Variants in CAMTA1 observed in about 807,000 individuals in gnomAD.
CAMTA1 encodes the protein calmodulin-binding transcription activator 1.
CAMTA1 carries 27 observed loss-of-function variants against 170.9 expected under a neutral mutation model. That is an observed-to-expected ratio of 0.16 (90% CI 0.12 to 0.22). CAMTA1 has a LOEUF of 0.22. Ranked by LOEUF, CAMTA1 falls within the 10% of genes least tolerant of loss-of-function variation. The probability of loss-of-function intolerance (pLI) is 1.00; values close to 1 mark genes in which losing one functional copy is unlikely to be tolerated. For missense variants in CAMTA1, 1,619 were observed against 2,217.2 expected, an observed-to-expected ratio of 0.73 and a Z score of 5.42; for synonymous variants, 833 against 891.5, an observed-to-expected ratio of 0.93 and a Z score of 1.17.
At chr1:7,351,132 C>T (rs1274127435) in intron 5 of CAMTA1, among the ~76,000 whole-genome samples, 1 of 152,208 alleles carries the variant, frequency 6.6e-6, no homozygotes, top group Non-Finnish European at 1.5e-5. Flanking sequence ...CAGCGTGACC[C>T]CCAGGACTTG....
In CAMTA1 at chr1:7,401,649, C is replaced by T. The variant is rs565593519; in HGVS notation, c.439-66181C>T. On this transcript the variant is annotated intron_variant, in intron 5 of 22. Transcript: ENST00000303635. ...ATGTTTCTCCATTTATTTAGGTCTC[C>T]TTTGATTTCTTTCATTAGTGCTCTC... 6.6e-5 allele frequency among the ~76,000 whole-genome samples: 10 copies of T among 152,228 alleles called. No homozygotes were observed. In the East Asian group the frequency reaches 1.7e-3, roughly 26 times the overall value.
At chr1:7,598,584 C>T (rs1028190631) in intron 6 of CAMTA1, among the ~76,000 whole-genome samples, 1 of 152,226 alleles carries the variant, frequency 6.6e-6, no homozygotes, top group Admixed American at 6.5e-5. Context: ...TCTCCACATC[C>T]TCTCCAGCAC....
chr1:7,763,802 C>T lies in CAMTA1; in HGVS notation c.4990-2657C>T, dbSNP rs192295248. ...GAGAAAAATTGTGAATGTATAACAT[C>T]GTCGTGTTTATGCTATCAGATTTTG... is the stretch of plus-strand genomic sequence containing the variant. On this transcript the variant is annotated intron_variant, in intron 22 of 22. Coordinates refer to ENST00000303635, the MANE Select transcript of CAMTA1 (RefSeq NM_015215.4). Among the ~76,000 whole-genome samples the T allele has an allele frequency of 3.9e-5, 6 of 152,250 alleles. No individual in the cohort carries two copies. In the East Asian group the frequency reaches 1.2e-3, roughly 29 times the overall value.
chr1:7,588,106 T>A lies in CAMTA1; in HGVS notation c.511-52294T>A, dbSNP rs146059018. ...CAGTGGCCCAGGGTGCTGTTCTGGG[T>A]CACTGGGGCTATGGGACTAGACCCC... is the stretch of plus-strand genomic sequence containing the variant. On this transcript the variant is annotated intron_variant, in intron 6 of 22. Transcript: ENST00000303635. This position sits in a 1 kb window ranked among gnomAD's most constrained non-coding sequence, Gnocchi z 5.8. 1.9e-3 allele frequency among the ~76,000 whole-genome samples: 290 copies of A among 152,152 alleles called. 2 individuals are homozygous for A. Among genetic ancestry groups the A allele is most frequent in the Admixed American group, 3.7e-3 (57 of 15,306 alleles).
intron 4 of CAMTA1, among the ~76,000 whole-genome samples, chr1:7,161,818 G>C (rs912077252): frequency 6.6e-6 from 1 of 152,200 alleles, no homozygotes; most frequent in Non-Finnish European, 1.5e-5. Context: ...GACGGGCAAG[G>C]GTCTCATTCT....
At chr1:7,521,530 C>T (rs1241722549) in intron 6 of CAMTA1, among the ~76,000 whole-genome samples, 2 of 151,984 alleles carry the variant, frequency 1.3e-5, no homozygotes, top group Non-Finnish European at 2.9e-5. Flanking sequence ...GTATCCACCA[C>T]CGTTGCATGT....
At chr1:7,261,258 G>A (rs1668123204) in intron 5 of CAMTA1, among the ~76,000 whole-genome samples, 1 of 152,044 alleles carries the variant, frequency 6.6e-6, no homozygotes, top group East Asian at 1.9e-4. Context: ...TTATTCCTTA[G>A]TTAGTACCTG....
At chr1:7,525,041 A>AAATG (rs2094414489) in intron 6 of CAMTA1, among the ~76,000 whole-genome samples, 1 of 152,118 alleles carries the variant, frequency 6.6e-6, no homozygotes. Context: ...TGCCCTTGAG[A>AAATG]AATGCAGTCT....
At chr1:7,171,651 A>G (rs1297869241) in intron 4 of CAMTA1, among the ~76,000 whole-genome samples, 1 of 152,248 alleles carries the variant, frequency 6.6e-6, no homozygotes, top group African/African-American at 2.4e-5. Flanking sequence ...TTTAAAGTAT[A>G]CAATTCAGTG....
chr1:7,701,491 C>T (rs1200003196), intron 11 of CAMTA1, among the ~76,000 whole-genome samples: 1 of 152,112 alleles, frequency 6.6e-6, no homozygotes, highest in African/African-American at 2.4e-5. Flanking sequence ...TCATGGCTTA[C>T]TGCAGCCTCA....
At chr1:7,731,738 A>G (rs758995133) in intron 11 of CAMTA1, among the ~76,000 whole-genome samples, 1 of 152,112 alleles carries the variant, frequency 6.6e-6, no homozygotes, top group Non-Finnish European at 1.5e-5. Flanking sequence ...TTAGCTGGGC[A>G]TGGTGGTGCA....
At chr1:7,332,311 T>G (rs1013804055) in intron 5 of CAMTA1, among the ~76,000 whole-genome samples, 14 of 152,348 alleles carry the variant, frequency 9.2e-5, no homozygotes, top group Admixed American at 6.5e-5. Flanking sequence ...GGCTGTGTTC[T>G]TTTTATTATG....
At chr1:7,302,612 C>T (rs1055328825) in intron 5 of CAMTA1, among the ~76,000 whole-genome samples, 2 of 152,142 alleles carry the variant, frequency 1.3e-5, no homozygotes, top group African/African-American at 4.8e-5. Flanking sequence ...ATTTGTAATT[C>T]TGCCTGCATG....
At chr1:6,936,804 C>T (rs968016424) in intron 3 of CAMTA1, among the ~76,000 whole-genome samples, 14 of 151,972 alleles carry the variant, frequency 9.2e-5, no homozygotes, top group Admixed American at 3.3e-4. Flanking sequence ...CTGGCTAACA[C>T]GGTGAAACCC....
chr1:7,519,151 A>T (rs1329782855), intron 6 of CAMTA1, among the ~76,000 whole-genome samples: 1 of 152,098 alleles, frequency 6.6e-6, no homozygotes, highest in Non-Finnish European at 1.5e-5. Flanking sequence ...TTCTCAAATC[A>T]TCAAAAGCTC....
At chr1:7,151,793 C>T (rs1463509480) in intron 4 of CAMTA1, among the ~76,000 whole-genome samples, 1 of 152,212 alleles carries the variant, frequency 6.6e-6, no homozygotes, top group Non-Finnish European at 1.5e-5. Flanking sequence ...AGTTTCCTTC[C>T]AGTGGGTTCG....
At chr1:7,647,920 C>T (rs950285415) in intron 7 of CAMTA1, among the ~76,000 whole-genome samples, 1 of 152,166 alleles carries the variant, frequency 6.6e-6, no homozygotes, top group East Asian at 1.9e-4. Context: ...CCTGTCTCTA[C>T]AAAAAATAGA....
chr1:6,827,416 C>CT (rs1647397224), intron 3 of CAMTA1, among the ~76,000 whole-genome samples: 1 of 152,102 alleles, frequency 6.6e-6, no homozygotes, highest in South Asian at 2.1e-4. Flanking sequence ...AGGACCTTGA[C>CT]TTTTTTCTTG....
intron 1 of CAMTA1, among the ~76,000 whole-genome samples, chr1:6,807,386 A>T (rs1313407667): frequency 6.6e-6 from 1 of 152,206 alleles, no homozygotes; most frequent in Non-Finnish European, 1.5e-5. Flanking sequence ...AAATTTCTGT[A>T]GCCATTTTTA....
Sources: gnomAD v4.1 joint callset for allele counts (sites outside exome capture counted in the v4.1 genomes callset) on GRCh38, gnomAD v4.1.1 for gene constraint, Gnocchi (gnomAD v3.1) non-coding constraint, MANE v1.5 for transcripts, NCBI Gene and HGNC (gene_info 2026-07-23, HGNC 2026-07-21) for gene names.